Variants in APH1A observed in about 807,000 individuals in gnomAD.
APH1A encodes gamma-secretase subunit APH-1A.
In APH1A, 16 loss-of-function variants were observed where a neutral mutation model predicts 30.3. The observed-to-expected ratio is 0.53, with a 90% CI of 0.36 to 0.80. The LOEUF (loss-of-function observed/expected upper bound fraction) is 0.80, where lower values mean the gene tolerates loss of function less well. APH1A is among the 30% of genes least tolerant of loss of function. APH1A has a pLI of 0.01. For synonymous variants in APH1A, 144 were observed against 140.1 expected, an observed-to-expected ratio of 1.03 and a Z score of -0.20; for missense variants, 245 against 337.8, an observed-to-expected ratio of 0.73 and a Z score of 2.15.
rs1553850327 is a variant in APH1A, at chr1:150,268,061, G to A, written c.180C>T (p.Thr60=). The change falls in exon 2 of 7, where the codon ACC becomes ACT. Residue 60 remains threonine (T), a synonymous_variant. Transcript: ENST00000369109. ...ACTGGAGCCGGGCATCTGACCGGTC[G>A]GTCACATGGACCAAGATGAACCAGA... ...SVVWFILVHV[T]DRSDARLQYG... 1.2e-6 allele frequency: 2 copies of A among 1,614,110 alleles called. No homozygotes were observed. Among genetic ancestry groups the A allele is most frequent in the Non-Finnish European group, 8.5e-7 (1 of 1,180,028 alleles).
At position 150,267,136 on chromosome 1, in the gene APH1A, T is replaced by C; in HGVS notation, c.548A>G (p.Glu183Gly). The C allele has an allele frequency of 6.2e-7, 1 of 1,614,138 alleles. No homozygotes were observed. The highest frequency in any genetic ancestry group is 2.2e-5 in the East Asian group (1 of 44,882). Residue 183 changes from glutamate to glycine, a missense_variant, in exon 5 of 7, where the codon GAG becomes GGG. By Grantham distance (98) the Glu-to-Gly change is moderately conservative. Transcript: ENST00000369109. Reference sequence around the variant, plus strand: ...GCCCAAAGCCCAGTACCGTCTCCTCTCACAGGCATCAAAGAACACAACTCC... The same window carrying C: ...GCCCAAAGCCCAGTACCGTCTCCTCCCACAGGCATCAAAGAACACAACTCC... ...FWGVVFFDACERRRYWALGLV... is the reference protein window; with the variant it reads ...FWGVVFFDACGRRRYWALGLV...
At chr1:150,268,413 C>A (rs1651928853) in intron 1 of APH1A, 1 of 585,882 alleles carries the variant, frequency 1.7e-6, no homozygotes, top group East Asian at 2.9e-5. Flanking sequence ...CCTAAGGCAC[C>A]TGACTCGGCC....
In APH1A at chr1:150,267,349, A is replaced by G; in HGVS notation, c.481+7T>C. 2 of 1,614,142 alleles carry G rather than the reference A, an allele frequency of 1.2e-6. No individual in the cohort carries two copies. The highest frequency in any genetic ancestry group is 3.3e-5 in the Admixed American group (2 of 60,028). On this transcript the variant is annotated splice_region_variant and intron_variant, in intron 4 of 6. Coordinates refer to ENST00000369109, the MANE Select transcript of APH1A (RefSeq NM_001077628.3). ...GGGGTAAAGGCTAGATAGAAGGTGG[A>G]TCTTACCTGAAGTCAGGAAGTAATA... is the stretch of plus-strand genomic sequence containing the variant.
chr1:150,267,865 C>A (rs782324124), intron 2 of APH1A, 76 bp from the exon 3 acceptor site: 242 of 1,612,336 alleles, frequency 1.5e-4, no homozygotes, highest in Non-Finnish European at 2.0e-4. Flanking sequence ...TCCCTTAGTG[C>A]CTCCTCTTCC....
rs1427519635 is a variant in APH1A, at chr1:150,267,165, A to G, written c.519T>C (p.Phe173=). The G allele has an allele frequency of 3.7e-6, 6 of 1,613,994 alleles. No homozygotes were observed. The highest frequency in any genetic ancestry group is 1.6e-4 in the Middle Eastern group (1 of 6,084). ...AGGCATCAAAGAACACAACTCCCCA[A>G]AAGGTATGGAGCAGGATAATGGCTG... The part of the protein sequence containing the change: ...LTAAIILLHT[F]WGVVFFDACE... The change falls in exon 5 of 7, where the codon TTT becomes TTC. Residue 173 remains phenylalanine (F), a synonymous_variant. Transcript: ENST00000369109.
intron 1 of APH1A, 116 bp from the exon 2 acceptor site, chr1:150,268,243 G>C (rs1572089483): frequency 8.1e-7 from 1 of 1,228,108 alleles, no homozygotes; most frequent in East Asian, 2.5e-5. Flanking sequence ...GATGGTTAGG[G>C]AGACATGGAC....
Position 150,268,820 on chromosome 1 carries a change from G to C in APH1A, c.-10C>G, listed in dbSNP as rs782211972. 3 of 1,608,216 alleles carry C rather than the reference G, an allele frequency of 1.9e-6. No individual in the cohort carries two copies. In the African/African-American group the frequency reaches 4.0e-5, roughly 21 times the overall value. Reference sequence around the variant, plus strand: ...ACACCGCAGCCCCCATGGCTGGTCAGGTGGGAAGGGGGGTGGGGGCCTGAC... The same window carrying C: ...ACACCGCAGCCCCCATGGCTGGTCACGTGGGAAGGGGGGTGGGGGCCTGAC... On this transcript the variant is annotated 5_prime_UTR_variant, in exon 1 of 7. Coordinates refer to ENST00000369109, the MANE Select transcript of APH1A (RefSeq NM_001077628.3).
In APH1A at chr1:150,267,078, T is replaced by G. The variant is rs2275778; in HGVS notation, c.606A>C (p.Gly202=). The G allele has an allele frequency of 8.1e-3, 13,130 of 1,614,068 alleles. 995 individuals carry two copies. In the Admixed American group the frequency reaches 0.14, roughly 17 times the overall value. The part of the protein sequence containing the change: ...LVVGSHLLTS[G]LTFLNPWYEA... ...CAGGCCCCTGTCTCCAACTCACCAG[T>G]CCCGATGTCAGTAGGTGACTCCCAA... Residue 202 remains glycine, a synonymous_variant, in exon 5 of 7, where the codon GGA becomes GGC. Coordinates refer to ENST00000369109, the MANE Select transcript of APH1A (RefSeq NM_001077628.3).
At chr1:150,267,910 G>C in intron 2 of APH1A, 47 bp downstream of exon 2, 1 of 1,612,938 alleles carries the variant, frequency 6.2e-7, no homozygotes, top group East Asian at 2.2e-5. Context: ...ACTTCCCATA[G>C]TGCAGTCCTT....
rs782313192 is a variant in APH1A, at chr1:150,268,738, C to G, written c.73G>C (p.Val25Leu). 1 of 1,613,808 alleles carries G rather than the reference C, an allele frequency of 6.2e-7. No individual in the cohort carries two copies. Among genetic ancestry groups the G allele is most frequent in the East Asian group, 2.2e-5 (1 of 44,868 alleles). The change falls in exon 1 of 7, where the codon GTG becomes CTG. Residue 25 changes from valine to leucine, a missense_variant. Physicochemically the swap from Val to Leu is conservative, Grantham distance 32 (BLOSUM62 1). Coordinates refer to ENST00000369109, the MANE Select transcript of APH1A (RefSeq NM_001077628.3). ...ATAACGCGAAGCGGGTCCCCAGCCA[C>G]AGTGATCAAGAAAAGCGCGAAGGCC... Reference protein sequence around the residue: ...GPAFALFLITVAGDPLRVIIL... With the variant: ...GPAFALFLITLAGDPLRVIIL...
rs199646767 is a variant in APH1A at position 150,266,090 on chromosome 1, A to T, written c.*40T>A. 1.3e-4 allele frequency: 205 copies of T among 1,561,202 alleles called. No homozygotes were observed. In the Middle Eastern group the frequency reaches 2.2e-3, roughly 17 times the overall value. On this transcript the variant is annotated 3_prime_UTR_variant, in exon 7 of 7. Coordinates refer to ENST00000369109, the MANE Select transcript of APH1A (RefSeq NM_001077628.3). ...TGGAGAAATACAGGGCGAGGACATC[A>T]GGAGGGCACCCCAGGCCCAGGGGTC...
Position 150,268,785 on chromosome 1 carries a change from C to T in APH1A, c.26G>A (p.Cys9Tyr). Residue 9 changes from cysteine to tyrosine, a missense_variant, in exon 1 of 7, where the codon TGC becomes TAC. Physicochemically the swap from Cys to Tyr is radical, Grantham distance 194. Transcript: ENST00000369109. Reference sequence around the variant, plus strand: ...GGCCGGGCCGAACGCGACGAAAGTGCAGCCGAAAAACACCGCAGCCCCCAT... The same window carrying T: ...GGCCGGGCCGAACGCGACGAAAGTGTAGCCGAAAAACACCGCAGCCCCCAT... MGAAVFFG[C>Y]TFVAFGPAFA... 1 of 1,613,678 alleles carries T rather than the reference C, an allele frequency of 6.2e-7. No individual in the cohort carries two copies. Among genetic ancestry groups the T allele is most frequent in the Non-Finnish European group, 8.5e-7 (1 of 1,179,850 alleles).
intron 1 of APH1A, 22 bp downstream of exon 1, chr1:150,268,676 G>C: frequency 6.3e-7 from 1 of 1,597,344 alleles, no homozygotes; most frequent in African/African-American, 1.3e-5. Flanking sequence ...GCTCTCCCGC[G>C]TCTCCCGGGC....
Position 150,267,105 on chromosome 1 carries a change from C to G in APH1A, c.579G>C (p.Val193=), listed in dbSNP as rs1553850074. The change falls in exon 5 of 7, where the codon GTG becomes GTC. Residue 193 remains valine (V), a synonymous_variant. Transcript: ENST00000369109. ...CCGATGTCAGTAGGTGACTCCCAAC[C>G]ACCAGGCCCAAAGCCCAGTACCGTC... ...ERRRYWALGL[V]VGSHLLTSGL... is the part of the protein sequence containing the mutation. 6.2e-7 allele frequency: 1 copy of G among 1,614,078 alleles called. No homozygotes were observed. The highest frequency in any genetic ancestry group is 8.5e-7 in the Non-Finnish European group (1 of 1,180,036).
In APH1A at chr1:150,266,409, T is replaced by C. The variant is rs1194797464; in HGVS notation, c.733+124A>G. The C allele has an allele frequency of 7.2e-6, 11 of 1,538,082 alleles. No individual in the cohort carries two copies. In the East Asian group the frequency reaches 1.4e-4, roughly 20 times the overall value. On this transcript the variant is annotated intron_variant, in intron 6 of 6. Transcript: ENST00000369109. The stretch of plus-strand genomic sequence containing the variant: ...AAGCAAAACCCTGGAGGTAGTGGGG[T>C]AGACCGACGAGAAGGAGACAGAGAA...
intron 3 of APH1A, 27 bp from the exon 4 acceptor site, chr1:150,267,505 G>A (rs1553850175): frequency 1.2e-6 from 2 of 1,612,826 alleles, no homozygotes; most frequent in Non-Finnish European, 8.5e-7. Context: ...TCTCATCAAT[G>A]TCAGAGATCA....
intron 6 of APH1A, 109 bp downstream of exon 6, chr1:150,266,424 G>A (rs201312925): frequency 1.3e-6 from 2 of 1,569,354 alleles, no homozygotes; most frequent in African/African-American, 1.4e-5. Context: ...CGACGAGAAG[G>A]AGACAGAGAA....
At position 150,267,989 on chromosome 1, in the gene APH1A, C is replaced by T. The variant is rs201613749; in HGVS notation, c.252G>A (p.Glu84=). 1.2e-6 allele frequency: 2 copies of T among 1,614,136 alleles called. No individual in the cohort carries two copies. The highest frequency in any genetic ancestry group is 4.5e-5 in the East Asian group (2 of 44,890). The change falls in exon 2 of 7, where the codon GAG becomes GAA. Residue 84 remains glutamate, a synonymous_variant. Coordinates refer to ENST00000369109, the MANE Select transcript of APH1A (RefSeq NM_001077628.3). ...FGAAVSVLLQ[E]VFRFAYYKLL... is the part of the protein sequence containing the mutation. Reference sequence around the variant, plus strand: ...GCTTGTAGTAGGCAAAGCGGAACACCTCCTGTAGAAGGACAGAGACAGCAG... The same window carrying T: ...GCTTGTAGTAGGCAAAGCGGAACACTTCCTGTAGAAGGACAGAGACAGCAG...
Position 150,266,571 on chromosome 1 carries a change from G to T in APH1A, c.695C>A (p.Ala232Asp). Reference protein sequence around the residue: ...VSMGLWAFITAGGSLRSIQRS... With the variant: ...VSMGLWAFITDGGSLRSIQRS... ...CTGAATACTTCGGAGGGACCCTCCAGCTGTGATGAAGGCCCAGAGCCCCAT... is the reference window on the plus strand; with the variant it reads ...CTGAATACTTCGGAGGGACCCTCCATCTGTGATGAAGGCCCAGAGCCCCAT... The change falls in exon 6 of 7, where the codon GCT (alanine) becomes GAT (aspartate). Residue 232 changes from alanine (A) to aspartate (D), a missense_variant. Coordinates refer to ENST00000369109, the MANE Select transcript of APH1A (RefSeq NM_001077628.3). The T allele has an allele frequency of 1.2e-6, 2 of 1,614,156 alleles. No individual in the cohort carries two copies. Among genetic ancestry groups the T allele is most frequent in the Middle Eastern group, 3.3e-4 (2 of 6,062 alleles).
Sources: allele counts gnomAD v4.1 joint callset, GRCh38; gene constraint gnomAD v4.1.1; transcripts MANE v1.5; gene names NCBI Gene and HGNC (gene_info 2026-07-23, HGNC 2026-07-21).